The following COL25A1 variants were observed in gnomAD, a reference collection of about 807,000 sequenced individuals.
COL25A1 encodes the protein collagen alpha-1(XXV) chain.
In COL25A1, 103 loss-of-function variants were observed where a neutral mutation model predicts 128.4. The ratio of observed to expected loss-of-function variants is 0.80; its 90% CI spans 0.68 to 0.94. COL25A1 has a LOEUF of 0.94. Among genes scored for constraint, COL25A1 ranks in the 40% least tolerant of loss-of-function variants. The probability of loss-of-function intolerance (pLI) is 0.00; values close to 1 mark genes in which losing one functional copy is unlikely to be tolerated. For synonymous variants in COL25A1, 279 were observed against 277.2 expected (o/e 1.01, Z -0.06); for missense variants, 745 against 840.0 (o/e 0.89, Z 1.40).
intron 3 of COL25A1, among the ~76,000 whole-genome samples, chr4:109,195,278 A>C (rs116033746): frequency 6.6e-6 from 1 of 152,102 alleles, no homozygotes; most frequent in Non-Finnish European, 1.5e-5. Flanking sequence ...GATGAGCCCA[A>C]TCTAGATCTG....
At chr4:109,114,877 T>TA in intron 3 of COL25A1, among the ~76,000 whole-genome samples, 1 of 152,066 alleles carries the variant, frequency 6.6e-6, no homozygotes, top group Non-Finnish European at 1.5e-5. Flanking sequence ...AAGGAGTGGC[T>TA]ATCTATTTAA....
chr4:109,261,767 G>T lies in COL25A1; in HGVS notation c.367+38816C>A, dbSNP rs1172231205. 2.7e-5 allele frequency among the ~76,000 whole-genome samples: 4 copies of T among 150,864 alleles called. No individual in the cohort carries two copies. In the South Asian group the frequency reaches 8.4e-4, roughly 32 times the overall value. ...GGCTGGAGTGCAGTGGCATGATCTC[G>T]GCTCACTGCGAGCTCCACCTCCCAG... On this transcript the variant is annotated intron_variant, in intron 3 of 37. Transcript: ENST00000399132.
chr4:108,838,385 TCC>T (rs1734051075), intron 31 of COL25A1, among the ~76,000 whole-genome samples: 1 of 152,152 alleles, frequency 6.6e-6, no homozygotes, highest in Non-Finnish European at 1.5e-5. Context: ...AAACCAAAAC[TCC>T]CAAGAAAGTA....
intron 30 of COL25A1, among the ~76,000 whole-genome samples, chr4:108,844,194 T>C (rs1375363926): frequency 6.6e-6 from 1 of 152,188 alleles, no homozygotes; most frequent in African/African-American, 2.4e-5. Flanking sequence ...CTAAATCTTA[T>C]TCTGCTGGTA....
chr4:109,167,037 G>A (rs1021605076), intron 3 of COL25A1, among the ~76,000 whole-genome samples: 1 of 152,098 alleles, frequency 6.6e-6, no homozygotes. Context: ...AAATGAATAT[G>A]ATCAATGAGG....
At chr4:109,081,008 GAATA>G (rs571914578) in intron 3 of COL25A1, among the ~76,000 whole-genome samples, 2 of 152,156 alleles carry the variant, frequency 1.3e-5, no homozygotes, top group Non-Finnish European at 2.9e-5. Flanking sequence ...AAGTTTCAGA[GAATA>G]AATAACCTGC....
chr4:109,076,157 A>G (rs936783970), intron 3 of COL25A1, among the ~76,000 whole-genome samples: 2 of 152,208 alleles, frequency 1.3e-5, no homozygotes, highest in Non-Finnish European at 2.9e-5. Context: ...TTGAGCATCC[A>G]TGGATTTTGG....
intron 19 of COL25A1, among the ~76,000 whole-genome samples, chr4:108,880,774 C>A (rs948340976): frequency 1.3e-5 from 2 of 152,120 alleles, no homozygotes; most frequent in South Asian, 4.1e-4. Flanking sequence ...TCTGCTCTAT[C>A]CTGCTTACTG....
chr4:109,133,329 A>G (rs939192516), intron 3 of COL25A1, among the ~76,000 whole-genome samples: 1 of 152,090 alleles, frequency 6.6e-6, no homozygotes, highest in Non-Finnish European at 1.5e-5. Context: ...ACTAGACCTT[A>G]TTGTAATATT....
rs774978334 is a variant in COL25A1 at position 108,918,210 on chromosome 4, T to C, written c.742A>G (p.Ile248Val). 12 of 1,598,416 alleles carry C rather than the reference T, an allele frequency of 7.5e-6. No homozygotes were observed. Among genetic ancestry groups the C allele is most frequent in the Admixed American group, 1.7e-5 (1 of 59,048 alleles). The change falls in exon 13 of 38, where the codon ATT (isoleucine) becomes GTT (valine). Residue 248 changes from isoleucine to valine, a missense_variant. Physicochemically the swap from Ile to Val is conservative, Grantham distance 29 (BLOSUM62 3). This residue lies in a region of COL25A1 where 319 missense variants were observed against 324.9 expected (regional missense o/e 0.98). Coordinates refer to ENST00000399132, the MANE Select transcript of COL25A1 (RefSeq NM_198721.4). Reference sequence around the variant, plus strand: ...ATCCCTGGAATTCCAGGTGCTCCAATAGAACCCTAAAGAGACACATGATTA... The same window carrying C: ...ATCCCTGGAATTCCAGGTGCTCCAACAGAACCCTAAAGAGACACATGATTA... ...PLGPPGQKGS[I>V]GAPGIPGMNG...
intron 6 of COL25A1, among the ~76,000 whole-genome samples, chr4:108,987,471 G>T (rs1388256882): frequency 6.6e-6 from 1 of 151,738 alleles, no homozygotes; most frequent in Non-Finnish European, 1.5e-5. Context: ...CGCCTCCCGG[G>T]TTCAGGCAAT....
intron 6 of COL25A1, among the ~76,000 whole-genome samples, chr4:109,008,707 GT>G (rs1252089116): frequency 6.6e-6 from 1 of 151,980 alleles, no homozygotes; most frequent in African/African-American, 2.4e-5. Context: ...ATTCATGTGA[GT>G]AATTTATCTC....
At position 109,030,783 on chromosome 4, in the gene COL25A1, C is replaced by T. The variant is rs190081336; in HGVS notation, c.420+17385G>A. Among the ~76,000 whole-genome samples the T allele has an allele frequency of 5.7e-3, 863 of 152,228 alleles. 4 individuals carry two copies. The highest frequency in any genetic ancestry group is 0.01 in the Middle Eastern group (3 of 294). On this transcript the variant is annotated intron_variant, in intron 5 of 37. Transcript: ENST00000399132. ...TTGTTGTTGTTGTTGTTTTGGGTCT[C>T]GCTTTGTCACCCAAGCTGGAGTGCA...
At chr4:109,269,541 T>C (rs537871801) in intron 3 of COL25A1, among the ~76,000 whole-genome samples, 101 of 150,044 alleles carry the variant, frequency 6.7e-4, no homozygotes, top group African/African-American at 2.5e-3. Flanking sequence ...TAGTTTACAG[T>C]CCTACCAACA....
chr4:109,240,769 C>G (rs571787246), intron 3 of COL25A1, among the ~76,000 whole-genome samples: 1 of 152,160 alleles, frequency 6.6e-6, no homozygotes, highest in East Asian at 1.9e-4. Flanking sequence ...ACTTCATCTT[C>G]TTAAGTGACC....
chr4:109,126,475 G>A (rs1478164628), intron 3 of COL25A1, among the ~76,000 whole-genome samples: 1 of 152,096 alleles, frequency 6.6e-6, no homozygotes, highest in Non-Finnish European at 1.5e-5. Context: ...CATACTGACA[G>A]TAAAAACAAA....
At chr4:109,300,111 C>T (rs1027855829) in intron 3 of COL25A1, among the ~76,000 whole-genome samples, 7 of 146,720 alleles carry the variant, frequency 4.8e-5, no homozygotes, top group African/African-American at 7.5e-5. Flanking sequence ...TTTAATAGAA[C>T]AGAAACAGCA....
intron 27 of COL25A1, 137 bp from the exon 28 acceptor site, chr4:108,846,356 G>A (rs1735097214): frequency 3.1e-6 from 2 of 650,932 alleles, no homozygotes; most frequent in African/African-American, 1.8e-5. Context: ...TTGTTTTTAG[G>A]TAGAGTTATT....
chr4:108,859,495 C>T (rs1038291693), intron 24 of COL25A1, among the ~76,000 whole-genome samples, 161 bp downstream of exon 24: 15 of 152,102 alleles, frequency 9.9e-5, no homozygotes, highest in Non-Finnish European at 1.3e-4. Context: ...TAAACTGGGG[C>T]ACAGAGAAGG....
Sources: gnomAD v4.1 joint callset for allele counts (sites outside exome capture counted in the v4.1 genomes callset) on GRCh38, gnomAD v4.1.1 for gene constraint, gnomAD v4.1.1 regional missense constraint, MANE v1.5 for transcripts, NCBI Gene and HGNC (gene_info 2026-07-23, HGNC 2026-07-21) for gene names.